LRRC4C: variants seen among roughly 807,000 people sequenced by gnomAD.
LRRC4C encodes the protein leucine-rich repeat-containing protein 4C.
A neutral mutation model predicts 33.6 loss-of-function variants in LRRC4C; 5 were observed. The observed-to-expected ratio is 0.15, with a 90% CI of 0.08 to 0.31. The LOEUF is 0.31. Ranked by LOEUF, LRRC4C falls within the 10% of genes least tolerant of loss-of-function variation. The pLI is 1.00. For synonymous variants in LRRC4C, 329 were observed against 302.0 expected, an observed-to-expected ratio of 1.09 and a Z score of -0.93; for missense variants, 560 against 796.7, an observed-to-expected ratio of 0.70 and a Z score of 3.58.
intron 1 of LRRC4C, among the ~76,000 whole-genome samples, chr11:40,953,994 A>G (rs1958836232): frequency 6.6e-6 from 1 of 151,898 alleles, no homozygotes; most frequent in South Asian, 2.1e-4. Flanking sequence ...CACATACATA[A>G]CTAGATGCTA....
At chr11:40,909,009 A>G (rs549760806) in intron 2 of LRRC4C, among the ~76,000 whole-genome samples, 48 of 152,274 alleles carry the variant, frequency 3.2e-4, no homozygotes, top group African/African-American at 1.2e-3. Context: ...TTATTACTAT[A>G]TGAACGGTTA....
At chr11:41,456,024 C>T (rs1196984564) in intron 1 of LRRC4C, among the ~76,000 whole-genome samples, 2 of 152,186 alleles carry the variant, frequency 1.3e-5, no homozygotes, top group African/African-American at 2.4e-5. Flanking sequence ...TCTATTCACA[C>T]ATCAATTAAT....
At chr11:41,457,236 A>G (rs1956197799) in intron 1 of LRRC4C, among the ~76,000 whole-genome samples, 1 of 152,178 alleles carries the variant, frequency 6.6e-6, no homozygotes, top group Non-Finnish European at 1.5e-5. Flanking sequence ...AATAGCCTCA[A>G]TGGAGAGAGG....
intron 3 of LRRC4C, among the ~76,000 whole-genome samples, chr11:40,363,159 A>C (rs1948040484): frequency 6.6e-6 from 1 of 152,160 alleles, no homozygotes; most frequent in Non-Finnish European, 1.5e-5. Context: ...ATCATCCTAA[A>C]TGCCCATCAA....
chr11:40,423,567 A>G (rs1407757629), intron 3 of LRRC4C, among the ~76,000 whole-genome samples: 2 of 151,732 alleles, frequency 1.3e-5, no homozygotes, highest in Non-Finnish European at 2.9e-5. Context: ...GATGGTCTCG[A>G]TCTCCTGACC....
intron 2 of LRRC4C, among the ~76,000 whole-genome samples, chr11:40,839,757 C>G (rs1262953227): frequency 6.6e-6 from 1 of 152,158 alleles, no homozygotes; most frequent in Non-Finnish European, 1.5e-5. Context: ...CAGTGACTTA[C>G]AGGGTCACTT....
At chr11:40,170,135 G>A (rs986361894) in intron 5 of LRRC4C, among the ~76,000 whole-genome samples, 3 of 152,186 alleles carry the variant, frequency 2.0e-5, no homozygotes, top group Non-Finnish European at 2.9e-5. Flanking sequence ...AAAAGGGAGT[G>A]TGCATGTGAG....
intron 1 of LRRC4C, among the ~76,000 whole-genome samples, chr11:41,030,956 C>G (rs188980088): frequency 6.6e-6 from 1 of 151,632 alleles, no homozygotes; most frequent in Admixed American, 6.6e-5. Flanking sequence ...CTTTGAAAAC[C>G]CTGTGCTTCT....
Position 41,431,513 on chromosome 11 carries a change from T to G in LRRC4C, c.-496+27918A>C, listed in dbSNP as rs920894652. 3.0e-4 allele frequency among the ~76,000 whole-genome samples: 46 copies of G among 152,058 alleles called. 1 individual carries two copies. Among genetic ancestry groups the G allele is most frequent in the Admixed American group, 5.9e-4 (9 of 15,258 alleles). Reference sequence around the variant, plus strand: ...ACAATTTTCCCCCTTGGTCATCATATTTTATTTTGAAAAATAAACTAGTCA... The same window carrying G: ...ACAATTTTCCCCCTTGGTCATCATAGTTTATTTTGAAAAATAAACTAGTCA... On this transcript the variant is annotated intron_variant, in intron 1 of 6. Coordinates refer to ENST00000528697, the MANE Select transcript of LRRC4C (RefSeq NM_001258419.2).
chr11:41,205,637 G>T (rs1476864245), intron 1 of LRRC4C, among the ~76,000 whole-genome samples: 4 of 151,942 alleles, frequency 2.6e-5, no homozygotes, highest in Admixed American at 6.6e-5. Context: ...CTCTTCAGTG[G>T]GTTTGGCAAA....
chr11:41,296,926 C>A (rs2197641), intron 1 of LRRC4C, among the ~76,000 whole-genome samples: 12,639 of 152,216 alleles, frequency 0.083, 624 homozygotes, highest in Middle Eastern at 0.15. Context: ...AAGCTGCATA[C>A]AAGCAGTGAG....
intron 3 of LRRC4C, among the ~76,000 whole-genome samples, chr11:40,514,389 C>T (rs1367334006): frequency 2.0e-5 from 3 of 152,120 alleles, no homozygotes; most frequent in Non-Finnish European, 4.4e-5. Flanking sequence ...AATTTATTAG[C>T]TCTATGGCCT....
At chr11:40,955,915 A>T (rs1165553706) in intron 1 of LRRC4C, among the ~76,000 whole-genome samples, 1 of 151,836 alleles carries the variant, frequency 6.6e-6, no homozygotes, top group Non-Finnish European at 1.5e-5. Flanking sequence ...TCAGTGAATC[A>T]AGTTCCATAG....
At chr11:40,389,210 A>C (rs1415422808) in intron 3 of LRRC4C, among the ~76,000 whole-genome samples, 1 of 152,148 alleles carries the variant, frequency 6.6e-6, no homozygotes. Flanking sequence ...CAGGCACATT[A>C]AACTTGGGAG....
intron 5 of LRRC4C, among the ~76,000 whole-genome samples, chr11:40,194,421 C>T (rs1862081203): frequency 6.6e-6 from 1 of 152,136 alleles, no homozygotes; most frequent in Non-Finnish European, 1.5e-5. Context: ...TTATTACCAC[C>T]AGGCCTGCCT....
intron 2 of LRRC4C, among the ~76,000 whole-genome samples, chr11:40,881,173 G>T (rs1955156590): frequency 6.6e-6 from 1 of 151,810 alleles, no homozygotes; most frequent in Admixed American, 6.6e-5. Flanking sequence ...CATATGGTTT[G>T]GGGGAACTAA....
chr11:40,660,682 C>A (rs10837464), intron 2 of LRRC4C, among the ~76,000 whole-genome samples: 29,400 of 152,054 alleles, frequency 0.19, 3,168 homozygotes, highest in East Asian at 0.47. Flanking sequence ...GGCACTGACA[C>A]CCCCACAGGA....
intron 2 of LRRC4C, among the ~76,000 whole-genome samples, chr11:40,844,190 T>A (rs560264087): frequency 4.6e-5 from 7 of 152,068 alleles, no homozygotes; most frequent in Non-Finnish European, 1.0e-4. Context: ...TATACGTATG[T>A]AACTAACCTG....
intron 1 of LRRC4C, among the ~76,000 whole-genome samples, chr11:41,349,454 G>GA (rs1274586361): frequency 2.0e-5 from 3 of 151,280 alleles, no homozygotes; most frequent in Non-Finnish European, 2.9e-5. Flanking sequence ...GGGGCTGGAG[G>GA]AAAAAAACAA....
Sources: allele counts gnomAD v4.1 joint callset (sites outside exome capture counted in the v4.1 genomes callset), GRCh38; gene constraint gnomAD v4.1.1; transcripts MANE v1.5; gene names NCBI Gene and HGNC (gene_info 2026-07-23, HGNC 2026-07-21).